The following NLRC5 variants were observed in gnomAD, a reference collection of about 807,000 sequenced individuals.
The protein encoded by NLRC5 is protein NLRC5.
Under a neutral mutation model 206.9 loss-of-function variants are expected in NLRC5, and 114 were observed. That is an observed-to-expected ratio of 0.55 (90% CI 0.47 to 0.64). The LOEUF (loss-of-function observed/expected upper bound fraction) is 0.64, where lower values mean the gene tolerates loss of function less well. Among genes scored for constraint, NLRC5 ranks in the 30% least tolerant of loss-of-function variants. The probability of loss-of-function intolerance (pLI) is 0.00; values close to 1 mark genes in which losing one functional copy is unlikely to be tolerated. For synonymous variants in NLRC5, 952 were observed against 962.8 expected (o/e 0.99, Z 0.21); for missense variants, 2,008 against 2,305.5 (o/e 0.87, Z 2.64).
chr16:57,025,956 C>T lies in NLRC5; in HGVS notation c.1013C>T (p.Pro338Leu). 6.2e-7 allele frequency: 1 copy of T among 1,614,158 alleles called. No individual in the cohort carries two copies. The highest frequency in any genetic ancestry group is 8.5e-7 in the Non-Finnish European group (1 of 1,180,038). ...FSHLCNGTLL[P>L]GCRVMATSRP... ...CATCTCTGCAATGGGACCCTCCTGC[C>T]TGGCTGCCGGGTGATGGCTACCTCC... The change falls in exon 6 of 49, where the codon CCT (proline) becomes CTT (leucine). Residue 338 changes from proline to leucine, a missense_variant. Coordinates refer to ENST00000688547, the MANE Select transcript of NLRC5 (RefSeq NM_001384950.1).
intron 1 of NLRC5, among the ~76,000 whole-genome samples, chr16:57,015,370 ACACAAACATTCAGTC>A (rs2059941153): frequency 6.6e-6 from 1 of 152,140 alleles, no homozygotes; most frequent in Admixed American, 6.5e-5. Context: ...GGGAGGTGGG[ACACAAACATTCAGTC>A]CACGGCAAGT....
At chr16:57,029,947 C>G in intron 9 of NLRC5, 48 bp from the exon 10 acceptor site, 1 of 1,611,670 alleles carries the variant, frequency 6.2e-7, no homozygotes, top group Non-Finnish European at 8.5e-7. Context: ...GTCTGGGGCC[C>G]CTGGGGTAGG....
intron 22 of NLRC5, 44 bp from the exon 23 acceptor site, chr16:57,047,483 GGGGCTAGCCAGGGACCCT>G (rs1355879268): frequency 7.0e-7 from 1 of 1,434,714 alleles, no homozygotes; most frequent in African/African-American, 1.4e-5. Context: ...TAGAGCCCCT[GGGGCTAGCCAGGGACCCT>G]GGGCTTTCTC....
At position 57,015,591 on chromosome 16, in the gene NLRC5, A is replaced by AAAAT. The variant is rs202245287; in HGVS notation, c.-127-1439_-127-1436dup. ...ACATAGAAAGACCCTGTCTCTTAAA[A>AAAAT]AAATAAATAAATAAATAAATAAATA... is the stretch of plus-strand genomic sequence containing the variant. On this transcript the variant is annotated intron_variant, in intron 1 of 48. Transcript: ENST00000688547. Among the ~76,000 whole-genome samples the AAAAT allele has an allele frequency of 3.4e-4, 47 of 138,396 alleles. 1 individual carries two copies. Among genetic ancestry groups the AAAAT allele is most frequent in the African/African-American group, 1.3e-3 (45 of 34,714 alleles). 90.8% of individuals were successfully genotyped at this position (138,396 alleles called of 152,430 possible). A position where few individuals can be genotyped will look rare whatever the true frequency, so the allele number is the denominator to read the frequency against.
intron 21 of NLRC5, 79 bp downstream of exon 21, chr16:57,045,571 C>A: frequency 7.3e-7 from 1 of 1,372,532 alleles, no homozygotes; most frequent in Non-Finnish European, 1.0e-6. Flanking sequence ...CACCCCCAGA[C>A]CCATGCTGAC....
intron 23 of NLRC5, among the ~76,000 whole-genome samples, chr16:57,050,463 G>A (rs1414847234): frequency 6.6e-6 from 1 of 152,272 alleles, no homozygotes; most frequent in Admixed American, 6.5e-5. Context: ...AGGCCCCGGA[G>A]AGGGGAGAGG....
At chr16:57,027,287 T>C (rs945972292) in intron 6 of NLRC5, among the ~76,000 whole-genome samples, 89 of 152,324 alleles carry the variant, frequency 5.8e-4, no homozygotes, top group Non-Finnish European at 1.2e-3. Context: ...TAGAGGCTGG[T>C]GGACTTTGGG....
chr16:57,082,194 G>C (rs1261530894), intron 48 of NLRC5, among the ~76,000 whole-genome samples: 2 of 152,218 alleles, frequency 1.3e-5, no homozygotes, highest in Non-Finnish European at 2.9e-5. Context: ...TGTGGCCTTA[G>C]CTGGCATCAC....
rs1445418325 is a variant in NLRC5 at position 57,025,909 on chromosome 16, C to A, written c.966C>A (p.Gly322=). The A allele has an allele frequency of 6.2e-7, 1 of 1,614,076 alleles. No homozygotes were observed. Among genetic ancestry groups the A allele is most frequent in the Admixed American group, 1.7e-5 (1 of 60,010 alleles). The change falls in exon 6 of 49, where the codon GGC becomes GGA. Residue 322 remains glycine (G), a synonymous_variant. Coordinates refer to ENST00000688547, the MANE Select transcript of NLRC5 (RefSeq NM_001384950.1). ...AGCCTATGGGTCCTGATGGCCCAGGCCCAGTCCTCACCCTTTTCTCCCATC... is the reference window on the plus strand; with the variant it reads ...AGCCTATGGGTCCTGATGGCCCAGGACCAGTCCTCACCCTTTTCTCCCATC... The part of the protein sequence containing the change: ...ALQPMGPDGP[G]PVLTLFSHLC...
At chr16:57,063,236 C>T (rs1372075199) in intron 32 of NLRC5, among the ~76,000 whole-genome samples, 1 of 151,524 alleles carries the variant, frequency 6.6e-6, no homozygotes, top group African/African-American at 2.4e-5. Flanking sequence ...CCTCAGCCTC[C>T]GGAGTAGCTG....
intron 19 of NLRC5, 22 bp from the exon 20 acceptor site, chr16:57,043,493 G>T: frequency 6.3e-7 from 1 of 1,598,606 alleles, no homozygotes; most frequent in Non-Finnish European, 8.6e-7. Context: ...GACCTCCATT[G>T]TGCCACCCCT....
chr16:57,042,943 A>T (rs1219313530), intron 19 of NLRC5, among the ~76,000 whole-genome samples: 1 of 152,190 alleles, frequency 6.6e-6, no homozygotes, highest in Admixed American at 6.5e-5. Flanking sequence ...TTGCAGGCAA[A>T]TTACATGAAG....
At chr16:56,994,962 G>A (rs2057420011) in intron 1 of NLRC5, among the ~76,000 whole-genome samples, 1 of 152,142 alleles carries the variant, frequency 6.6e-6, no homozygotes, top group African/African-American at 2.4e-5. Flanking sequence ...ATCACTTGAG[G>A]TCTGCAGTTT....
chr16:56,993,993 A>C (rs1335975755), intron 1 of NLRC5, among the ~76,000 whole-genome samples: 8 of 151,560 alleles, frequency 5.3e-5, no homozygotes, highest in South Asian at 2.1e-4. Flanking sequence ...AAGATATGAC[A>C]TTTTAATTCT....
intron 16 of NLRC5, among the ~76,000 whole-genome samples, chr16:57,040,347 C>T (rs923570541): frequency 2.0e-4 from 30 of 152,332 alleles, no homozygotes; most frequent in Admixed American, 1.6e-3. Flanking sequence ...CTGGGGCTGA[C>T]ATCTCTGAAG....
Position 57,020,827 on chromosome 16 carries a change from A to G in NLRC5, c.115A>G (p.Thr39Ala). The change falls in exon 3 of 49, where the codon ACG becomes GCG. Residue 39 changes from threonine to alanine, a missense_variant. By Grantham distance (58) the Thr-to-Ala change is moderately conservative. Coordinates refer to ENST00000688547, the MANE Select transcript of NLRC5 (RefSeq NM_001384950.1). ...CAAGATGAAGTTCTTCCTCCCCAACACGGACCTGGATTCCAGGAACGAGAC... is the reference window on the plus strand; with the variant it reads ...CAAGATGAAGTTCTTCCTCCCCAACGCGGACCTGGATTCCAGGAACGAGAC... ...NAKMKFFLPN[T>A]DLDSRNETLD... The G allele has an allele frequency of 6.2e-7, 1 of 1,613,380 alleles. No individual in the cohort carries two copies. The highest frequency in any genetic ancestry group is 1.1e-5 in the South Asian group (1 of 91,004).
At position 57,051,614 on chromosome 16, in the gene NLRC5, C is replaced by T. The variant is rs2064912182; in HGVS notation, c.3499C>T (p.Leu1167=). 6.2e-7 allele frequency: 1 copy of T among 1,613,024 alleles called. No homozygotes were observed. Among genetic ancestry groups the T allele is most frequent in the Admixed American group, 1.7e-5 (1 of 60,004 alleles). ...CTTACCTCAACTCCCTCAGCTGAGC[C>T]TGCTGCAGTAAGACGAGAGTTTTTC... ...DCLPQLPQLS[L]LQLSQTGLSP... Residue 1167 remains leucine (L), a synonymous_variant, in exon 24 of 49, where the codon CTG becomes TTG. Coordinates refer to ENST00000688547, the MANE Select transcript of NLRC5 (RefSeq NM_001384950.1).
chr16:57,059,532 G>A lies in NLRC5; in HGVS notation c.3986G>A (p.Arg1329Lys). 1.9e-6 allele frequency: 3 copies of A among 1,610,604 alleles called. No individual in the cohort carries two copies. Among genetic ancestry groups the A allele is most frequent in the Non-Finnish European group, 2.5e-6 (3 of 1,178,170 alleles). Residue 1329 changes from arginine (R) to lysine (K), a missense_variant and splice_region_variant, in exon 30 of 49, where the codon AGG becomes AAG. Arg to Lys is a conservative substitution (Grantham distance 26, BLOSUM62 2). Transcript: ENST00000688547. ...SREDQAGKTL[R>K]LSECSFRPEH... is the part of the protein sequence containing the mutation. ...GAGGACCAGGCTGGGAAGACACTCAGGTAATCCCTGCAGGGTGATGGGACA... is the reference window on the plus strand; with the variant it reads ...GAGGACCAGGCTGGGAAGACACTCAAGTAATCCCTGCAGGGTGATGGGACA...
chr16:57,026,584 G>C lies in NLRC5; in HGVS notation c.1641G>C (p.Trp547Cys). Residue 547 changes from tryptophan to cysteine, a missense_variant, in exon 6 of 49, where the codon TGG (tryptophan) becomes TGC (cysteine). Physicochemically the swap from Trp to Cys is radical, Grantham distance 215 (BLOSUM62 -2). Coordinates refer to ENST00000688547, the MANE Select transcript of NLRC5 (RefSeq NM_001384950.1). ...LTQYVTLHSR[W>C]VQRTKARLGL... ...AGTATGTTACCCTCCATTCCCGCTG[G>C]GTACAGCGGACCAAAGCTAGACTGG... 6.2e-7 allele frequency: 1 copy of C among 1,614,164 alleles called. No homozygotes were observed. The highest frequency in any genetic ancestry group is 1.1e-5 in the South Asian group (1 of 91,080).
Sources: gnomAD v4.1 joint callset for allele counts (sites outside exome capture counted in the v4.1 genomes callset) on GRCh38, gnomAD v4.1.1 for gene constraint, MANE v1.5 for transcripts, NCBI Gene and HGNC (gene_info 2026-07-23, HGNC 2026-07-21) for gene names.